The following KIF13B variants were observed in gnomAD, a reference collection of about 807,000 sequenced individuals.
The protein encoded by KIF13B is kinesin family member 13B.
In KIF13B, 127 loss-of-function variants were observed where a neutral mutation model predicts 222.0. The observed-to-expected ratio is 0.57, with a 90% CI of 0.50 to 0.66. The LOEUF (loss-of-function observed/expected upper bound fraction) is 0.66, where lower values mean the gene tolerates loss of function less well. Among genes scored for constraint, KIF13B ranks in the 30% least tolerant of loss-of-function variants. The probability of loss-of-function intolerance (pLI) is 0.00; values close to 1 mark genes in which losing one functional copy is unlikely to be tolerated. For missense variants in KIF13B, 2,173 were observed against 2,379.0 expected, an observed-to-expected ratio of 0.91 and a Z score of 1.80; for synonymous variants, 976 against 919.0, an observed-to-expected ratio of 1.06 and a Z score of -1.12.
At chr8:29,142,371 A>AC in intron 18 of KIF13B, 68 bp from the exon 19 acceptor site, 1 of 1,375,854 alleles carries the variant, frequency 7.3e-7, no homozygotes, top group Non-Finnish European at 1.0e-6. Context: ...TGACAATTCC[A>AC]CCCCCATCAG....
At chr8:29,166,958 G>C (rs1812029487) in intron 11 of KIF13B, among the ~76,000 whole-genome samples, 2 of 152,094 alleles carry the variant, frequency 1.3e-5, no homozygotes, top group South Asian at 4.1e-4. Flanking sequence ...AGGTGTAGAA[G>C]ACTCAAGATT....
intron 2 of KIF13B, among the ~76,000 whole-genome samples, chr8:29,213,154 G>A (rs1161998429): frequency 2.6e-5 from 4 of 152,116 alleles, no homozygotes; most frequent in Admixed American, 2.6e-4. Context: ...AACTTCAGTA[G>A]TAAAGTAGGG....
At chr8:29,147,679 T>A in intron 16 of KIF13B, 77 bp from the exon 17 acceptor site, 1 of 1,110,304 alleles carries the variant, frequency 9.0e-7, no homozygotes, top group Non-Finnish European at 1.3e-6. Context: ...TATATGGTAA[T>A]GTTGTCTGTC....
chr8:29,205,155 C>T (rs567697612), intron 2 of KIF13B, among the ~76,000 whole-genome samples: 3 of 151,792 alleles, frequency 2.0e-5, no homozygotes, highest in East Asian at 3.9e-4. Flanking sequence ...CACCACTGCA[C>T]TCAGCCTGGG....
chr8:29,115,563 T>A (rs1183135245), intron 31 of KIF13B, among the ~76,000 whole-genome samples: 1 of 152,136 alleles, frequency 6.6e-6, no homozygotes, highest in Non-Finnish European at 1.5e-5. Flanking sequence ...CGACCTCAGG[T>A]GAGCCACCTG....
chr8:29,208,265 T>C (rs1273166935), intron 2 of KIF13B, among the ~76,000 whole-genome samples: 1 of 152,216 alleles, frequency 6.6e-6, no homozygotes, highest in Admixed American at 6.5e-5. Flanking sequence ...TGGTATAGGA[T>C]AAAAGTAGTG....
At chr8:29,263,072 C>T (rs1180390288), upstream of KIF13B, 3 of 1,560,190 alleles carry the variant, frequency 1.9e-6, no homozygotes, top group Admixed American at 5.6e-5. Context: ...CTTCCGTCTG[C>T]CGCGGCCACC....
intron 20 of KIF13B, 76 bp downstream of exon 20, chr8:29,140,392 C>T: frequency 4.0e-6 from 6 of 1,491,230 alleles, no homozygotes; most frequent in South Asian, 1.3e-5. Context: ...CAAAAAATAG[C>T]AACAATATCC....
intron 14 of KIF13B, among the ~76,000 whole-genome samples, chr8:29,153,270 A>G (rs1292923484): frequency 6.6e-6 from 1 of 152,348 alleles, no homozygotes; most frequent in African/African-American, 2.4e-5. Context: ...AAATATGTCC[A>G]ATCTACGTGA....
chr8:29,111,920 C>T (rs902634425), intron 32 of KIF13B, among the ~76,000 whole-genome samples: 2 of 152,202 alleles, frequency 1.3e-5, no homozygotes, highest in African/African-American at 4.8e-5. Flanking sequence ...ACAGAGCAAT[C>T]TATTACAGGC....
rs541338709 is a variant in KIF13B, at chr8:29,161,995, G to A, written c.1270-1128C>T. Among the ~76,000 whole-genome samples the A allele has an allele frequency of 2.0e-4, 31 of 152,260 alleles. No individual in the cohort carries two copies. In the Middle Eastern group the frequency reaches 0.01, roughly 50 times the overall value. On this transcript the variant is annotated intron_variant, in intron 12 of 39. Coordinates refer to ENST00000524189, the MANE Select transcript of KIF13B (RefSeq NM_015254.4). ...AACAAATTTGCATATGCACTCAAGC[G>A]TTATTTTCATAACACGGGCCTTTCC...
rs1811461414 is a variant in KIF13B at position 29,155,132 on chromosome 8, CAT to C, written c.1535+592_1535+593del. Among the ~76,000 whole-genome samples, 5 of 152,218 alleles carry C rather than the reference CAT, an allele frequency of 3.3e-5. No homozygotes were observed. In the South Asian group the frequency reaches 1.0e-3, roughly 32 times the overall value. On this transcript the variant is annotated intron_variant, in intron 14 of 39. Coordinates refer to ENST00000524189, the MANE Select transcript of KIF13B (RefSeq NM_015254.4). The stretch of plus-strand genomic sequence containing the variant: ...GTATTAAGTTCCTGTGTACTAGTCT[CAT>C]ATTATGCGCCAGGAATGGAGAATCA...
chr8:29,073,512 TCA>T (rs1212658229), intron 38 of KIF13B, among the ~76,000 whole-genome samples: 2 of 152,162 alleles, frequency 1.3e-5, no homozygotes, highest in Admixed American at 1.3e-4. Context: ...CTATTCCTAT[TCA>T]CAGTGACCGA....
chr8:29,070,571 G>A lies in KIF13B; in HGVS notation c.5414C>T (p.Thr1805Ile), dbSNP rs1807208727. 3 of 1,605,842 alleles carry A rather than the reference G, an allele frequency of 1.9e-6. No individual in the cohort carries two copies. The highest frequency in any genetic ancestry group is 2.2e-5 in the South Asian group (2 of 89,924). ...SGSATNLASL[T>I]AALAKADRSH... ...CCTGTCGGCCTTGGCCAGGGCAGCT[G>A]TCAGCGAGGCCAGGTTGGTGGCGGA... Residue 1805 changes from threonine to isoleucine, a missense_variant, in exon 40 of 40, where the codon ACA becomes ATA. This residue lies in a region of KIF13B where 693 missense variants were observed against 656.2 expected (regional missense o/e 1.06). Transcript: ENST00000524189. This position sits in a 1 kb window ranked among gnomAD's most constrained non-coding sequence, Gnocchi z 4.1.
At chr8:29,136,795 G>GT (rs1203051867) in intron 21 of KIF13B, among the ~76,000 whole-genome samples, 2,708 of 116,764 alleles carry the variant, frequency 0.023, 67 homozygotes, top group Non-Finnish European at 0.026. Context: ...CCTGTAACAG[G>GT]TTTTTTTTTT....
At chr8:29,228,600 A>G (rs1815147113) in intron 2 of KIF13B, among the ~76,000 whole-genome samples, 1 of 151,494 alleles carries the variant, frequency 6.6e-6, no homozygotes, top group Non-Finnish European at 1.5e-5. Context: ...TTCAGATTCT[A>G]TTGCATAATT....
intron 1 of KIF13B, among the ~76,000 whole-genome samples, chr8:29,253,624 A>G (rs1435090622): frequency 6.6e-6 from 1 of 151,688 alleles, no homozygotes; most frequent in East Asian, 1.9e-4. Flanking sequence ...TATTTAAAAA[A>G]CTCATAAGGC....
At chr8:29,215,319 T>A (rs764412202) in intron 2 of KIF13B, among the ~76,000 whole-genome samples, 1 of 152,194 alleles carries the variant, frequency 6.6e-6, no homozygotes, top group Non-Finnish European at 1.5e-5. Context: ...AGGGAGGCAA[T>A]AGGAACTGTC....
chr8:29,242,783 T>C (rs1815838135), intron 2 of KIF13B, among the ~76,000 whole-genome samples: 2 of 152,222 alleles, frequency 1.3e-5, no homozygotes. Flanking sequence ...TTCACAGCAA[T>C]GTTTTGACCT....
Sources: allele counts gnomAD v4.1 joint callset (sites outside exome capture counted in the v4.1 genomes callset), GRCh38; gene constraint gnomAD v4.1.1; regional missense constraint gnomAD v4.1.1; non-coding constraint Gnocchi (gnomAD v3.1); transcripts MANE v1.5; gene names NCBI Gene and HGNC (gene_info 2026-07-23, HGNC 2026-07-21).